The following SH3D21 variants were observed in gnomAD, a reference collection of about 807,000 sequenced individuals.
SH3D21 encodes manchette microtubule inner protein 1, also known as SH3 domain-containing protein 21.
SH3D21 carries 83 observed loss-of-function variants against 82.1 expected under a neutral mutation model. The ratio of observed to expected loss-of-function variants is 1.01; its 90% CI spans 0.85 to 1.21. SH3D21 has a LOEUF of 1.21. Ranked by LOEUF, SH3D21 falls within the 50% of genes most tolerant of loss-of-function variation. The probability of loss-of-function intolerance (pLI) is 0.00; values close to 1 mark genes in which losing one functional copy is unlikely to be tolerated. For missense variants in SH3D21, 980 were observed against 962.1 expected (o/e 1.02, Z -0.25); for synonymous variants, 383 against 387.8 (o/e 0.99, Z 0.15).
At position 36,307,200 on chromosome 1, in the gene SH3D21, G is replaced by T. The variant is rs1330174599; in HGVS notation, c.260G>T (p.Trp87Leu). ...HPAKHPRPQR[W>L]CKVNFSYSPE... ...GCCAAACACCCGAGGCCCCAAAGATGGTGCAAAGTGAACTTCAGCTACAGC... is the reference window on the plus strand; with the variant it reads ...GCCAAACACCCGAGGCCCCAAAGATTGTGCAAAGTGAACTTCAGCTACAGC... The change falls in exon 4 of 16, where the codon TGG (tryptophan) becomes TTG (leucine). Residue 87 changes from tryptophan to leucine, a missense_variant. Coordinates refer to ENST00000453908, the MANE Select transcript of SH3D21 (RefSeq NM_001162530.2). This position sits in a 1 kb window ranked among gnomAD's most constrained non-coding sequence, Gnocchi z 5.4. 6.4e-7 allele frequency: 1 copy of T among 1,551,770 alleles called. No homozygotes were observed. Among genetic ancestry groups the T allele is most frequent in the African/African-American group, 1.4e-5 (1 of 73,188 alleles).
At chr1:36,318,350 A>G (rs1161350000) in intron 10 of SH3D21, among the ~76,000 whole-genome samples, 1 of 152,172 alleles carries the variant, frequency 6.6e-6, no homozygotes, top group African/African-American at 2.4e-5. Context: ...GAAGTCAGAT[A>G]TGAGTCTGGA....
chr1:36,314,037 C>G (rs1243479179), intron 10 of SH3D21, among the ~76,000 whole-genome samples: 3 of 109,154 alleles, frequency 2.7e-5, no homozygotes, highest in African/African-American at 1.0e-4. Context: ...TGCAGTGGTG[C>G]GATCTTGGCT....
intron 10 of SH3D21, among the ~76,000 whole-genome samples, chr1:36,313,967 A>ATTTTTTTTTT (rs1207014644): frequency 3.5e-4 from 13 of 36,874 alleles, no homozygotes; most frequent in Admixed American, 4.4e-4. Context: ...TGCTGAACAT[A>ATTTTTTTTTT]TTTTCTTTTT....
Position 36,306,576 on chromosome 1 carries a change from C to T in SH3D21, c.5-22C>T, listed in dbSNP as rs1201403589. ...GGCTGGGCCTTTCTGAGCCGCACGCCGGCCCCGTCTTCCGCCCGCAGAAGT... is the reference window on the plus strand; with the variant it reads ...GGCTGGGCCTTTCTGAGCCGCACGCTGGCCCCGTCTTCCGCCCGCAGAAGT... On this transcript the variant is annotated intron_variant, in intron 1 of 15. Coordinates refer to ENST00000453908, the MANE Select transcript of SH3D21 (RefSeq NM_001162530.2). This position sits in a 1 kb window ranked among gnomAD's most constrained non-coding sequence, Gnocchi z 4.5. 1 of 1,302,454 alleles carries T rather than the reference C, an allele frequency of 7.7e-7. No individual in the cohort carries two copies. 80.7% of individuals were successfully genotyped at this position (1,302,454 alleles called of 1,614,324 possible).
At position 36,312,520 on chromosome 1, in the gene SH3D21, C is replaced by G. The variant is rs115140539; in HGVS notation, c.769+2930C>G. ...CCAGCAATTCATTTGTAGGTTCTTACAAGTTTCCTGTGAAGACAGACATAT... is the reference window on the plus strand; with the variant it reads ...CCAGCAATTCATTTGTAGGTTCTTAGAAGTTTCCTGTGAAGACAGACATAT... On this transcript the variant is annotated intron_variant, in intron 10 of 15. Coordinates refer to ENST00000453908, the MANE Select transcript of SH3D21 (RefSeq NM_001162530.2). 2.4e-3 allele frequency among the ~76,000 whole-genome samples: 359 copies of G among 152,296 alleles called. 2 individuals are homozygous for G. The highest frequency in any genetic ancestry group is 8.2e-3 in the African/African-American group (342 of 41,566).
intron 10 of SH3D21, among the ~76,000 whole-genome samples, chr1:36,316,115 C>T (rs775994091): frequency 6.6e-6 from 1 of 152,164 alleles, no homozygotes; most frequent in East Asian, 1.9e-4. Flanking sequence ...GGTGACCTGC[C>T]CTCTAGCGTG....
downstream of SH3D21, chr1:36,321,876 A>G: frequency 9.7e-7 from 1 of 1,027,314 alleles, no homozygotes; most frequent in East Asian, 9.5e-5. The surrounding 1 kb of genome is among the most constrained non-coding windows in gnomAD (Gnocchi z 6.1). Context: ...CTGGCTGTGA[A>G]GTGAATGCGG....
At position 36,321,114 on chromosome 1, in the gene SH3D21, C is replaced by T. The variant is rs755391808; in HGVS notation, c.2258C>T (p.Thr753Met). 3 of 1,611,516 alleles carry T rather than the reference C, an allele frequency of 1.9e-6. No homozygotes were observed. The highest frequency in any genetic ancestry group is 1.7e-5 in the Admixed American group (1 of 59,824). Residue 753 changes from threonine to methionine, a missense_variant, in exon 16 of 16, where the codon ACG becomes ATG. Coordinates refer to ENST00000453908, the MANE Select transcript of SH3D21 (RefSeq NM_001162530.2). This position sits in a 1 kb window ranked among gnomAD's most constrained non-coding sequence, Gnocchi z 6.1. ...SQTPRVIHTQ[T>M]QTY ...ACCCCGCGCGTCATCCACACGCAGA[C>T]GCAGACCTACTGAGGGTGGGCCTGG...
chr1:36,319,115 C>A lies in SH3D21; in HGVS notation c.814C>A (p.Pro272Thr). 2 of 1,551,562 alleles carry A rather than the reference C, an allele frequency of 1.3e-6. No homozygotes were observed. The highest frequency in any genetic ancestry group is 1.7e-6 in the Non-Finnish European group (2 of 1,146,916). ...AAAGTTGATGCCCAAAACATCCCTC[C>A]CCACAGTCAAGAAGCTAGCAACAGC... ...PKKLMPKTSLPTVKKLATATT... is the reference protein window; with the variant it reads ...PKKLMPKTSLTTVKKLATATT... The change falls in exon 11 of 16, where the codon CCC becomes ACC. Residue 272 changes from proline to threonine, a missense_variant. Coordinates refer to ENST00000453908, the MANE Select transcript of SH3D21 (RefSeq NM_001162530.2).
At chr1:36,328,087 C>G (rs868173520), downstream of SH3D21, 2 of 458,698 alleles carry the variant, frequency 4.4e-6, no homozygotes, top group Non-Finnish European at 8.8e-6. Flanking sequence ...GACTGCTTCT[C>G]TGCCCTCCTA....
At chr1:36,312,350 T>C (rs1012828912) in intron 10 of SH3D21, among the ~76,000 whole-genome samples, 4 of 152,204 alleles carry the variant, frequency 2.6e-5, no homozygotes, top group Non-Finnish European at 5.9e-5. Context: ...ATAAGATTTA[T>C]TCCCAGATAT....
At chr1:36,315,505 A>G (rs1646326914) in intron 10 of SH3D21, among the ~76,000 whole-genome samples, 1 of 151,844 alleles carries the variant, frequency 6.6e-6, no homozygotes, top group African/African-American at 2.4e-5. Flanking sequence ...ACCCAACATC[A>G]TGCCCGGCTA....
downstream of SH3D21, among the ~76,000 whole-genome samples, chr1:36,329,802 C>G (rs1457094972): frequency 6.6e-6 from 1 of 152,138 alleles, no homozygotes; most frequent in African/African-American, 2.4e-5. Flanking sequence ...CTGAATGAGG[C>G]AGGGAGTCAT....
At chr1:36,322,510 G>A (rs565482818), downstream of SH3D21, 57 of 1,601,832 alleles carry the variant, frequency 3.6e-5, no homozygotes, top group East Asian at 1.2e-3. Context: ...GGGCCCGGCA[G>A]CGTGTCGTCG....
At chr1:36,323,178 A>G, downstream of SH3D21, 2 of 894,874 alleles carry the variant, frequency 2.2e-6, no homozygotes, top group South Asian at 3.7e-5. Flanking sequence ...CCCTGGAGAG[A>G]GCGCTTCCCT....
At chr1:36,318,618 C>CA (rs1646383875) in intron 10 of SH3D21, among the ~76,000 whole-genome samples, 1 of 151,294 alleles carries the variant, frequency 6.6e-6, no homozygotes, top group Non-Finnish European at 1.5e-5. Flanking sequence ...ACTAAAAATA[C>CA]AAAAATTGGC....
intron 10 of SH3D21, among the ~76,000 whole-genome samples, chr1:36,316,531 G>A (rs1646346803): frequency 6.6e-6 from 1 of 152,152 alleles, no homozygotes; most frequent in Non-Finnish European, 1.5e-5. Flanking sequence ...CACCGCGCCT[G>A]GCCGAGAATT....
Position 36,319,148 on chromosome 1 carries a change from G to A in SH3D21, c.847G>A (p.Gly283Arg), listed in dbSNP as rs1646397640. Residue 283 changes from glycine to arginine, a missense_variant, in exon 11 of 16, where the codon GGG becomes AGG. Gly to Arg is a moderately radical substitution (Grantham distance 125, BLOSUM62 -2). Transcript: ENST00000453908. ...TVKKLATATT[G>R]PSKAKTSRTP... The stretch of plus-strand genomic sequence containing the variant: ...CAAGAAGCTAGCAACAGCCACCACT[G>A]GGCCCAGCAAAGCCAAGTAAGGAGC... 6.4e-7 allele frequency: 1 copy of A among 1,551,526 alleles called. No homozygotes were observed. Among genetic ancestry groups the A allele is most frequent in the Non-Finnish European group, 8.7e-7 (1 of 1,146,812 alleles).
chr1:36,310,104 G>A (rs534330733), intron 10 of SH3D21, among the ~76,000 whole-genome samples: 16 of 151,980 alleles, frequency 1.1e-4, no homozygotes, highest in East Asian at 3.9e-4. Context: ...ACAGGCGCCC[G>A]CCACCACGCT....
Sources: allele counts gnomAD v4.1 joint callset (sites outside exome capture counted in the v4.1 genomes callset), GRCh38; gene constraint gnomAD v4.1.1; non-coding constraint Gnocchi (gnomAD v3.1); transcripts MANE v1.5; gene names NCBI Gene and HGNC (gene_info 2026-07-23, HGNC 2026-07-21).